Variants in NDST1 observed in about 807,000 individuals in gnomAD.
NDST1 encodes the protein N-deacetylase and N-sulfotransferase 1.
In NDST1, 35 loss-of-function variants were observed where a neutral mutation model predicts 92.8. The observed-to-expected ratio is 0.38, with a 90% CI of 0.29 to 0.50. The LOEUF (loss-of-function observed/expected upper bound fraction) is 0.50, where lower values mean the gene tolerates loss of function less well. NDST1 is among the 20% of genes least tolerant of loss of function. NDST1 has a pLI of 0.94. For synonymous variants in NDST1, 493 were observed against 500.3 expected (o/e 0.99, Z 0.19); for missense variants, 822 against 1,182.7 (o/e 0.69, Z 4.47).
Position 150,521,685 on chromosome 5 carries a change from A to T in NDST1, c.431A>T (p.Tyr144Phe), listed in dbSNP as rs1754243255. 6.2e-7 allele frequency: 1 copy of T among 1,614,066 alleles called. No individual in the cohort carries two copies. The highest frequency in any genetic ancestry group is 1.3e-5 in the African/African-American group (1 of 75,046). Residue 144 changes from tyrosine (Y) to phenylalanine (F), a missense_variant, in exon 2 of 15, where the codon TAT (tyrosine) becomes TTT (phenylalanine). By Grantham distance (22) the Tyr-to-Phe change is conservative. Transcript: ENST00000261797. This position sits in a 1 kb window ranked among gnomAD's most constrained non-coding sequence, Gnocchi z 5.9. ...ALIIYENILK[Y>F]VNLDAWNREL... ...ATCATCTATGAGAACATCCTCAAGT[A>T]TGTCAACCTGGACGCCTGGAACCGG...
At chr5:150,497,861 A>G (rs922558863), upstream of NDST1, 1 of 152,238 alleles carries the variant, frequency 6.6e-6, no homozygotes, top group Non-Finnish European at 1.5e-5. Flanking sequence ...GAAAGCTGAT[A>G]TGAGGAGGCC....
At chr5:150,513,938 C>T (rs1182902351) in intron 1 of NDST1, among the ~76,000 whole-genome samples, 1 of 152,214 alleles carries the variant, frequency 6.6e-6, no homozygotes. Context: ...GTTGCCATGG[C>T]GTCTCCATGA....
Position 150,545,347 on chromosome 5 carries a change from C to T in NDST1, c.2006C>T (p.Thr669Ile). The change falls in exon 11 of 15, where the codon ACC (threonine) becomes ATC (isoleucine). Residue 669 changes from threonine to isoleucine, a missense_variant. By Grantham distance (89) the Thr-to-Ile change is moderately conservative. Transcript: ENST00000261797. Reference sequence around the variant, plus strand: ...TTCTTCCCCATCCCTTCCAACACCACCTCCGACTTCTACTTTGAGAAAAGC... The same window carrying T: ...TTCTTCCCCATCCCTTCCAACACCATCTCCGACTTCTACTTTGAGAAAAGC... ...MEFFPIPSNTTSDFYFEKSAN... is the reference protein window; with the variant it reads ...MEFFPIPSNTISDFYFEKSAN... 6.2e-7 allele frequency: 1 copy of T among 1,614,264 alleles called. No individual in the cohort carries two copies. Among genetic ancestry groups the T allele is most frequent in the Non-Finnish European group, 8.5e-7 (1 of 1,180,050 alleles).
chr5:150,540,327 A>T, intron 8 of NDST1, 63 bp downstream of exon 8: 1 of 1,513,614 alleles, frequency 6.6e-7, no homozygotes, highest in Non-Finnish European at 9.0e-7. Flanking sequence ...TCACAGGCAC[A>T]CACTCCAGAT....
chr5:150,521,396 T>C lies in NDST1; in HGVS notation c.142T>C (p.Ser48Pro), dbSNP rs1321737413. 16 of 1,613,166 alleles carry C rather than the reference T, an allele frequency of 9.9e-6. No individual in the cohort carries two copies. The highest frequency in any genetic ancestry group is 1.4e-5 in the Non-Finnish European group (16 of 1,179,900). The change falls in exon 2 of 15, where the codon TCG (serine) becomes CCG (proline). Residue 48 changes from serine to proline, a missense_variant. Physicochemically the swap from Ser to Pro is moderately conservative, Grantham distance 74 (BLOSUM62 -1). Transcript: ENST00000261797. The surrounding 1 kb of genome is among the most constrained non-coding windows in gnomAD (Gnocchi z 5.9). ...TGGCTGGAAGCGAGGCCTGGAGCCC[T>C]CGGCGGATGCCCCCGAGCCTGACTG... ...LYGWKRGLEP[S>P]ADAPEPDCGD...
At chr5:150,547,108 G>A (rs374118554) in intron 11 of NDST1, among the ~76,000 whole-genome samples, 5 of 152,208 alleles carry the variant, frequency 3.3e-5, no homozygotes, top group African/African-American at 1.2e-4. Flanking sequence ...GGGGTTTCAC[G>A]TTTGTGTCCC....
chr5:150,513,185 A>G (rs923117839), intron 1 of NDST1, among the ~76,000 whole-genome samples: 3 of 152,042 alleles, frequency 2.0e-5, no homozygotes, highest in African/African-American at 7.2e-5. Flanking sequence ...ACAGAGAAAG[A>G]CACTGTCTCA....
At position 150,543,027 on chromosome 5, in the gene NDST1, G is replaced by C. The variant is rs1181381708; in HGVS notation, c.1970+56G>C. On this transcript the variant is annotated intron_variant, in intron 10 of 14. Coordinates refer to ENST00000261797, the MANE Select transcript of NDST1 (RefSeq NM_001543.5). ...GGGAAGGCCATCCTGGGGCCTCCCA[G>C]GAGTCTGCTGTGGCCACAGCAGGAA... is the stretch of plus-strand genomic sequence containing the variant. 1.9e-6 allele frequency: 3 copies of C among 1,610,802 alleles called. No individual in the cohort carries two copies. In the African/African-American group the frequency reaches 4.0e-5, roughly 22 times the overall value.
At chr5:150,531,242 T>A (rs1280215572) in intron 3 of NDST1, among the ~76,000 whole-genome samples, 1 of 152,172 alleles carries the variant, frequency 6.6e-6, no homozygotes, top group African/African-American at 2.4e-5. Flanking sequence ...TTTCTGGCCG[T>A]TGCTTCATTG....
intron 4 of NDST1, 56 bp downstream of exon 4, chr5:150,533,088 A>G: frequency 6.5e-7 from 1 of 1,532,846 alleles, no homozygotes; most frequent in Non-Finnish European, 9.0e-7. Context: ...TCAGCACCCA[A>G]ACCCTCAAAG....
intron 5 of NDST1, 195 bp from the exon 6 acceptor site, chr5:150,535,505 C>T (rs1053736747): frequency 3.1e-5 from 22 of 713,554 alleles, no homozygotes; most frequent in Non-Finnish European, 3.8e-5. Flanking sequence ...CCCAGCTCTG[C>T]CAGTTGCCCA....
chr5:150,549,857 C>A (rs1755644666), intron 13 of NDST1, 70 bp downstream of exon 13: 1 of 910,362 alleles, frequency 1.1e-6, no homozygotes, highest in South Asian at 1.4e-5. Context: ...AAGCCAAAGT[C>A]TTGAATAATT....
Position 150,554,234 on chromosome 5 carries a change from C to G in NDST1, c.*902C>G, listed in dbSNP as rs1230124916. On this transcript the variant is annotated 3_prime_UTR_variant, in exon 15 of 15. Coordinates refer to ENST00000261797, the MANE Select transcript of NDST1 (RefSeq NM_001543.5). ...TGTGGCCGAGGGCTCTCAGAGACCC[C>G]CTTAACCTCCCAAATACTAAGAAGC... 2 of 397,602 alleles carry G rather than the reference C, an allele frequency of 5.0e-6. No homozygotes were observed. Among genetic ancestry groups the G allele is most frequent in the African/African-American group, 4.1e-5 (2 of 48,464 alleles). The allele number at this position is 397,602 out of a possible 1,614,324, so 24.6% of individuals were successfully genotyped here.
At chr5:150,532,092 A>G (rs78893379) in intron 3 of NDST1, among the ~76,000 whole-genome samples, 4,090 of 152,290 alleles carry the variant, frequency 0.027, 154 homozygotes, top group East Asian at 0.16. Flanking sequence ...ACCATTTTTC[A>G]TCACTTACCA....
chr5:150,514,791 C>T (rs1753885315), intron 1 of NDST1, among the ~76,000 whole-genome samples: 1 of 152,124 alleles, frequency 6.6e-6, no homozygotes, highest in South Asian at 2.1e-4. Context: ...AAGTCTTTGT[C>T]TCCTTATCTG....
intron 7 of NDST1, 106 bp downstream of exon 7, chr5:150,539,462 G>A (rs578064340): frequency 8.7e-5 from 140 of 1,600,412 alleles, no homozygotes; most frequent in Admixed American, 1.0e-4. Flanking sequence ...AGAGGCATGA[G>A]TGAGTGCCTG....
intron 10 of NDST1, among the ~76,000 whole-genome samples, chr5:150,544,750 G>T (rs1177595954): frequency 6.6e-6 from 1 of 152,222 alleles, no homozygotes; most frequent in Non-Finnish European, 1.5e-5. Flanking sequence ...ATGGGCATTA[G>T]TCTGGAAAGC....
Position 150,527,992 on chromosome 5 carries a change from C to G in NDST1, c.702C>G (p.Thr234=), listed in dbSNP as rs1364346495. ...DWTVFQSNHS[T]YEPVLLAKTR... ...CGGTTTTCCAGTCAAATCACTCCAC[C>G]TATGAGCCAGTGCTGCTGGCCAAGA... Residue 234 remains threonine, a synonymous_variant, in exon 3 of 15, where the codon ACC becomes ACG. Transcript: ENST00000261797. The G allele has an allele frequency of 9.3e-6, 15 of 1,613,890 alleles. No individual in the cohort carries two copies. Among genetic ancestry groups the G allele is most frequent in the Non-Finnish European group, 1.3e-5 (15 of 1,179,906 alleles).
chr5:150,508,482 T>C lies in NDST1; in HGVS notation c.-388+256T>C, dbSNP rs112409692. Among the ~76,000 whole-genome samples, 1,267 of 152,210 alleles carry C rather than the reference T, an allele frequency of 8.3e-3. 16 individuals are homozygous for C. Among genetic ancestry groups the C allele is most frequent in the African/African-American group, 0.029 (1,189 of 41,520 alleles). On this transcript the variant is annotated intron_variant, in intron 1 of 14. Transcript: ENST00000261797. ...CTAGGCTGACCTGGCAGATTCCTGA[T>C]GGAGGAGAAGGAGGAGGAGGCTGAG...
Sources: allele counts gnomAD v4.1 joint callset (sites outside exome capture counted in the v4.1 genomes callset), GRCh38; gene constraint gnomAD v4.1.1; non-coding constraint Gnocchi (gnomAD v3.1); transcripts MANE v1.5; gene names NCBI Gene and HGNC (gene_info 2026-07-23, HGNC 2026-07-21).